MINDY2: variants seen among roughly 807,000 people sequenced by gnomAD.
The protein encoded by MINDY2 is ubiquitin carboxyl-terminal hydrolase MINDY-2.
MINDY2 carries 52 observed loss-of-function variants against 68.2 expected under a neutral mutation model. That is an observed-to-expected ratio of 0.76 (90% CI 0.61 to 0.96). MINDY2 has a LOEUF of 0.96. Among genes scored for constraint, MINDY2 ranks in the 40% least tolerant of loss-of-function variants. The pLI is 0.00. For synonymous variants in MINDY2, 372 were observed against 303.0 expected, an observed-to-expected ratio of 1.23 and a Z score of -2.36; for missense variants, 881 against 773.4, an observed-to-expected ratio of 1.14 and a Z score of -1.65.
intron 3 of MINDY2, among the ~76,000 whole-genome samples, chr15:58,806,354 C>CTTTTT (rs57824507): frequency 1.6e-5 from 2 of 128,596 alleles, no homozygotes; most frequent in Non-Finnish European, 3.3e-5. Flanking sequence ...AACGTGCCAA[C>CTTTTT]TTTTTTTTTT....
intron 1 of MINDY2, among the ~76,000 whole-genome samples, chr15:58,782,490 C>T (rs1316419660): frequency 6.6e-6 from 1 of 152,236 alleles, no homozygotes; most frequent in Non-Finnish European, 1.5e-5. Context: ...TTAATCTTCA[C>T]TTGCCAAATT....
chr15:58,786,937 C>A (rs1479123353), intron 1 of MINDY2, among the ~76,000 whole-genome samples: 2 of 152,284 alleles, frequency 1.3e-5, no homozygotes, highest in East Asian at 3.9e-4. Context: ...CCAAGTGATT[C>A]TTCTGCCTCA....
At chr15:58,800,786 G>C (rs1312453296) in intron 2 of MINDY2, among the ~76,000 whole-genome samples, 1 of 142,468 alleles carries the variant, frequency 7.0e-6, no homozygotes, top group African/African-American at 2.6e-5. Context: ...AGCAAGTCGT[G>C]ATCACGCCAC....
rs1390032317 is a variant in MINDY2 at position 58,810,337 on chromosome 15, A to G, written c.1071A>G (p.Val357=). Residue 357 remains valine (V), a synonymous_variant, in exon 4 of 9, where the codon GTA becomes GTG. Coordinates refer to ENST00000559228, the MANE Select transcript of MINDY2 (RefSeq NM_001040450.3). ...RVFEYTPECI[V]FDLLDIPLYH... ...TTGAATATACACCAGAATGCATAGT[A>G]TTTGATCTTCTTGATATTCCTTTGT... The G allele has an allele frequency of 5.0e-6, 8 of 1,613,206 alleles. No individual in the cohort carries two copies. The highest frequency in any genetic ancestry group is 6.8e-6 in the Non-Finnish European group (8 of 1,179,728).
At chr15:58,815,210 C>G (rs1393313435) in intron 4 of MINDY2, 1 of 152,014 alleles carries the variant, frequency 6.6e-6, no homozygotes, top group Non-Finnish European at 1.5e-5. Flanking sequence ...TTATTCTTAC[C>G]CTGTTGAATT....
intron 2 of MINDY2, among the ~76,000 whole-genome samples, chr15:58,801,812 G>C (rs1464741193): frequency 6.6e-6 from 1 of 152,002 alleles, no homozygotes; most frequent in East Asian, 1.9e-4. Flanking sequence ...GCTAATTTTT[G>C]TATTTTTAGT....
chr15:58,787,806 A>T (rs2140918781), intron 1 of MINDY2, 100 bp from the exon 2 acceptor site: 1 of 665,956 alleles, frequency 1.5e-6, no homozygotes, highest in African/African-American at 1.9e-5. Context: ...TAAGTATAGT[A>T]GATACATAAT....
At chr15:58,821,583 C>T in intron 4 of MINDY2, 134 bp from the exon 5 acceptor site, 1 of 362,804 alleles carries the variant, frequency 2.8e-6, no homozygotes, top group Non-Finnish European at 4.6e-6. Context: ...GATTTTAGTG[C>T]TGATTTTGTT....
At chr15:58,824,923 A>C (rs1341570655) in intron 5 of MINDY2, among the ~76,000 whole-genome samples, 1 of 151,848 alleles carries the variant, frequency 6.6e-6, no homozygotes, top group African/African-American at 2.4e-5. Flanking sequence ...GCCAGCCTCA[A>C]CCTCCCAAAG....
At chr15:58,832,644 C>T (rs1201159243) in intron 6 of MINDY2, among the ~76,000 whole-genome samples, 3 of 151,952 alleles carry the variant, frequency 2.0e-5, no homozygotes, top group Non-Finnish European at 2.9e-5. Context: ...TCTACTGCCT[C>T]AGCCTCCCGA....
intron 5 of MINDY2, among the ~76,000 whole-genome samples, chr15:58,824,487 A>T (rs78871054): frequency 0.011 from 1,644 of 152,224 alleles, 37 homozygotes; most frequent in African/African-American, 0.038. Context: ...TGTGTCATTT[A>T]GCATAATTAA....
intron 4 of MINDY2, among the ~76,000 whole-genome samples, chr15:58,819,323 C>G (rs1477815036): frequency 6.6e-6 from 1 of 151,998 alleles, no homozygotes. Flanking sequence ...TGGCGTCTGC[C>G]TGTAGTCCCA....
intron 1 of MINDY2, among the ~76,000 whole-genome samples, 173 bp downstream of exon 1, chr15:58,772,408 A>G (rs771834223): frequency 7.9e-5 from 12 of 152,316 alleles, no homozygotes; most frequent in Non-Finnish European, 1.8e-4. Context: ...TTATACATAT[A>G]TCGAAAAGAA....
chr15:58,782,047 G>A (rs1169177621), intron 1 of MINDY2, among the ~76,000 whole-genome samples: 2 of 152,016 alleles, frequency 1.3e-5, no homozygotes, highest in East Asian at 3.8e-4. Flanking sequence ...TGTAAAACAT[G>A]TGTAATAGCT....
Position 58,828,123 on chromosome 15 carries a change from A to C in MINDY2, c.1226-3651A>C, listed in dbSNP as rs189816001. Reference sequence around the variant, plus strand: ...CAGTGAGCCGAGATAGCGCCACTGCACTCCAGTCTGGAAACGGAGTGAGAC... The same window carrying C: ...CAGTGAGCCGAGATAGCGCCACTGCCCTCCAGTCTGGAAACGGAGTGAGAC... On this transcript the variant is annotated intron_variant, in intron 5 of 8. Coordinates refer to ENST00000559228, the MANE Select transcript of MINDY2 (RefSeq NM_001040450.3). Among the ~76,000 whole-genome samples the C allele has an allele frequency of 1.5e-3, 223 of 151,284 alleles. 2 individuals carry two copies. The highest frequency in any genetic ancestry group is 2.9e-4 in the Non-Finnish European group (20 of 67,866).
At chr15:58,809,932 A>G (rs1344939316) in intron 3 of MINDY2, among the ~76,000 whole-genome samples, 2 of 152,134 alleles carry the variant, frequency 1.3e-5, no homozygotes, top group Non-Finnish European at 2.9e-5. Flanking sequence ...GGCGCATGCC[A>G]CCATGCCCAG....
At chr15:58,846,268 A>G (rs2032530213) in intron 6 of MINDY2, among the ~76,000 whole-genome samples, 1 of 152,176 alleles carries the variant, frequency 6.6e-6, no homozygotes. Flanking sequence ...ATTTACCCTC[A>G]TGTGATTATT....
intron 7 of MINDY2, among the ~76,000 whole-genome samples, chr15:58,850,228 G>A (rs1358050931): frequency 2.6e-5 from 4 of 152,180 alleles, no homozygotes; most frequent in Non-Finnish European, 5.9e-5. Flanking sequence ...TACATGGGAG[G>A]AGGGAGGAGA....
At chr15:58,827,753 AT>A in intron 5 of MINDY2, among the ~76,000 whole-genome samples, 1 of 152,022 alleles carries the variant, frequency 6.6e-6, no homozygotes, top group South Asian at 2.1e-4. Context: ...TGCCTGGCCT[AT>A]TCAGTGTATT....
Sources: allele counts gnomAD v4.1 joint callset (sites outside exome capture counted in the v4.1 genomes callset), GRCh38; gene constraint gnomAD v4.1.1; transcripts MANE v1.5; gene names NCBI Gene and HGNC (gene_info 2026-07-23, HGNC 2026-07-21).